The following AP3M2 variants were observed in gnomAD, a reference collection of about 807,000 sequenced individuals.
AP3M2 encodes adaptor related protein complex 3 subunit mu 2, also known as AP-3 complex subunit mu-2.
In AP3M2, 28 loss-of-function variants were observed where a neutral mutation model predicts 41.6. The ratio of observed to expected loss-of-function variants is 0.67; its 90% CI spans 0.50 to 0.92. AP3M2 has a LOEUF of 0.92. Among genes scored for constraint, AP3M2 ranks in the 40% least tolerant of loss-of-function variants. The probability of loss-of-function intolerance (pLI) is 0.00; values close to 1 mark genes in which losing one functional copy is unlikely to be tolerated. For synonymous variants in AP3M2, 193 were observed against 186.4 expected, an observed-to-expected ratio of 1.04 and a Z score of -0.29; for missense variants, 427 against 521.4, an observed-to-expected ratio of 0.82 and a Z score of 1.76.
chr8:42,162,438 TCTCAGAAA>T lies in AP3M2; in HGVS notation c.583+21_583+28del. On this transcript the variant is annotated intron_variant, in intron 4 of 8. Coordinates refer to ENST00000396926, the MANE Select transcript of AP3M2 (RefSeq NM_006803.4). The stretch of plus-strand genomic sequence containing the variant: ...AATCAGGTAGGTGCTTTTAATATGT[TCTCAGAAA>T]TATGAAAATAGAAAGGGACCTCTTT... 6.3e-7 allele frequency: 1 copy of T among 1,583,658 alleles called. No homozygotes were observed. The highest frequency in any genetic ancestry group is 8.6e-7 in the Non-Finnish European group (1 of 1,164,284).
chr8:42,167,620 A>C (rs1386509269), intron 7 of AP3M2, 46 bp from the exon 8 acceptor site: 2 of 1,588,666 alleles, frequency 1.3e-6, no homozygotes, highest in Non-Finnish European at 1.7e-6. Context: ...TTCTGCTGTA[A>C]CTATTTTTTG....
chr8:42,162,009 G>A (rs1804518206), intron 3 of AP3M2: 3 of 269,524 alleles, frequency 1.1e-5, no homozygotes, highest in Admixed American at 1.0e-4. Flanking sequence ...ACTAAGTTCA[G>A]GTTACTTTCA....
chr8:42,165,006 G>T (rs754872795), intron 4 of AP3M2, 65 bp from the exon 5 acceptor site: 81 of 1,419,230 alleles, frequency 5.7e-5, no homozygotes, highest in Admixed American at 7.6e-5. Context: ...GAGGAGATAA[G>T]TTTGTTGAGA....
intron 4 of AP3M2, among the ~76,000 whole-genome samples, chr8:42,164,092 A>C (rs908668930): frequency 6.6e-6 from 1 of 152,218 alleles, no homozygotes; most frequent in African/African-American, 2.4e-5. Flanking sequence ...GGCCCAAAAC[A>C]TAGATGTCCA....
chr8:42,163,700 G>A (rs2150959599), intron 4 of AP3M2, among the ~76,000 whole-genome samples: 1 of 152,318 alleles, frequency 6.6e-6, no homozygotes, highest in East Asian at 1.9e-4. Context: ...TTTAGTCTAA[G>A]GTAATAGAAG....
At position 42,154,851 on chromosome 8, in the gene AP3M2, A is replaced by C. The variant is rs749481712; in HGVS notation, c.164A>C (p.Tyr55Ser). 104 of 1,613,922 alleles carry C rather than the reference A, an allele frequency of 6.4e-5. 1 individual carries two copies. Among genetic ancestry groups the C allele is most frequent in the Non-Finnish European group, 8.2e-5 (97 of 1,180,014 alleles). The part of the protein sequence containing the change: ...VPPVIPTPHH[Y>S]LLSVYRHKIF... ...CCGGTTATCCCTACCCCTCACCACT[A>C]TCTCTTAAGTGTTTACCGCCACAAG... Residue 55 changes from tyrosine (Y) to serine (S), a missense_variant, in exon 2 of 9, where the codon TAT becomes TCT. Tyr to Ser is a moderately radical substitution (Grantham distance 144). Around this residue, in one of 3 missense-constraint regions of AP3M2, gnomAD observed 104 missense variants for 93.8 expected, o/e 1.11. Transcript: ENST00000396926.
intron 6 of AP3M2, chr8:42,166,854 G>A (rs2129643242): frequency 3.1e-6 from 1 of 317,720 alleles, no homozygotes; most frequent in South Asian, 3.7e-5. Flanking sequence ...CATGTTACAA[G>A]TTAAAAACAT....
rs898996736 is a variant in AP3M2 at position 42,169,426 on chromosome 8, TAGAA to T, written c.*369_*372del. ...AGACTTCTTTGTTGATTTTTTAAGA[TAGAA>T]AGATTAAAAAGAAAGAAAGATGGGA... On this transcript the variant is annotated 3_prime_UTR_variant, in exon 9 of 9. Transcript: ENST00000396926. 4.4e-5 allele frequency: 7 copies of T among 160,260 alleles called. No homozygotes were observed. The highest frequency in any genetic ancestry group is 9.6e-5 in the African/African-American group (4 of 41,774). 9.9% of individuals were successfully genotyped at this position (160,260 alleles called of 1,614,324 possible).
At position 42,166,440 on chromosome 8, in the gene AP3M2, A is replaced by T. The variant is rs561040664; in HGVS notation, c.804-724A>T. On this transcript the variant is annotated intron_variant, in intron 6 of 8. Transcript: ENST00000396926. ...TTCTCTGAATCCTTTTCTTCTGTCAAATCATGACAGCCTACCCTACCTTAT... is the reference window on the plus strand; with the variant it reads ...TTCTCTGAATCCTTTTCTTCTGTCATATCATGACAGCCTACCCTACCTTAT... 9.9e-5 allele frequency among the ~76,000 whole-genome samples: 15 copies of T among 152,186 alleles called. No homozygotes were observed. The South Asian group carries it at 2.9e-3, about 29-fold the overall frequency.
At chr8:42,155,777 A>G (rs11778382) in intron 2 of AP3M2, 29,357 of 254,326 alleles carry the variant, frequency 0.12, 2,146 homozygotes, top group South Asian at 0.18. Context: ...CTTCTGTGTC[A>G]TATGAGGTCT....
chr8:42,164,196 A>C (rs1042031338), intron 4 of AP3M2, among the ~76,000 whole-genome samples: 2 of 152,176 alleles, frequency 1.3e-5, no homozygotes, highest in African/African-American at 4.8e-5. Flanking sequence ...TGGGCGGGAG[A>C]AGTGGACGTT....
At chr8:42,155,677 G>A (rs1176755819) in intron 2 of AP3M2, 1 of 203,564 alleles carries the variant, frequency 4.9e-6, no homozygotes, top group Non-Finnish European at 1.0e-5. Flanking sequence ...GATTCACACA[G>A]AGGAACTTTC....
Position 42,165,104 on chromosome 8 carries a change from T to A in AP3M2, c.617T>A (p.Ile206Asn). Residue 206 changes from isoleucine (I) to asparagine (N), a missense_variant, in exon 5 of 9, where the codon ATT becomes AAT. Transcript: ENST00000396926. ...ATTACTGCTGAGATCCAGGGGGTGA[T>A]TGATGCCTGTGTCAAGCTGACTGGC... ...STITAEIQGVIDACVKLTGMP... is the reference protein window; with the variant it reads ...STITAEIQGVNDACVKLTGMP... The A allele has an allele frequency of 6.2e-7, 1 of 1,614,088 alleles. No homozygotes were observed. The highest frequency in any genetic ancestry group is 2.2e-5 in the East Asian group (1 of 44,882).
Position 42,168,949 on chromosome 8 carries a change from C to A in AP3M2, c.1157-12C>A. ...TACTCATGTCTATTTTCCCTCTCTC[C>A]CTCCTTTCTAGGACTCAAGGTGAAT... On this transcript the variant is annotated splice_polypyrimidine_tract_variant and intron_variant, in intron 8 of 8. Coordinates refer to ENST00000396926, the MANE Select transcript of AP3M2 (RefSeq NM_006803.4). 6.3e-7 allele frequency: 1 copy of A among 1,584,210 alleles called. No individual in the cohort carries two copies. Among genetic ancestry groups the A allele is most frequent in the Non-Finnish European group, 8.6e-7 (1 of 1,163,568 alleles).
Position 42,168,960 on chromosome 8 carries a change from G to A in AP3M2, c.1157-1G>A, listed in dbSNP as rs1269087915. On this transcript the variant is annotated splice_acceptor_variant, in intron 8 of 8. Transcript: ENST00000396926. LOFTEE classifies it high-confidence loss of function. ...ATTTTCCCTCTCTCCCTCCTTTCTA[G>A]GACTCAAGGTGAATCGTCTGGATAT... The A allele has an allele frequency of 6.3e-7, 1 of 1,595,832 alleles. No homozygotes were observed. Among genetic ancestry groups the A allele is most frequent in the South Asian group, 1.1e-5 (1 of 88,080 alleles).
chr8:42,167,059 A>T, intron 6 of AP3M2, 105 bp from the exon 7 acceptor site: 1 of 916,822 alleles, frequency 1.1e-6, no homozygotes, highest in Non-Finnish European at 1.7e-6. Flanking sequence ...GGACATAGTT[A>T]AGGGAGAAGA....
chr8:42,163,842 A>T (rs934253400), intron 4 of AP3M2, among the ~76,000 whole-genome samples: 1 of 152,156 alleles, frequency 6.6e-6, no homozygotes, highest in Non-Finnish European at 1.5e-5. Context: ...TGAGCTGTAC[A>T]CTTTAAGATT....
chr8:42,165,453 C>T lies in AP3M2; in HGVS notation c.696C>T (p.Ser232=), dbSNP rs1485447784. 6.2e-7 allele frequency: 1 copy of T among 1,614,218 alleles called. No homozygotes were observed. Among genetic ancestry groups the T allele is most frequent in the Admixed American group, 1.7e-5 (1 of 60,020 alleles). ...FMNPRLLDDV[S]FHPCVRFKRW... ...ACCCTAGGTTGTTGGATGATGTCAG[C>T]TTCCATCCTTGTGTTCGTTTCAAAC... The change falls in exon 6 of 9, where the codon AGC becomes AGT. Residue 232 remains serine, a synonymous_variant. Transcript: ENST00000396926.
intron 4 of AP3M2, 101 bp downstream of exon 4, chr8:42,162,519 A>G: frequency 7.2e-7 from 1 of 1,390,882 alleles, no homozygotes; most frequent in East Asian, 2.4e-5. Context: ...AAGGTCATCC[A>G]CTTCAATTTA....
Sources: allele counts gnomAD v4.1 joint callset (sites outside exome capture counted in the v4.1 genomes callset), GRCh38; gene constraint gnomAD v4.1.1; regional missense constraint gnomAD v4.1.1; transcripts MANE v1.5; gene names NCBI Gene and HGNC (gene_info 2026-07-23, HGNC 2026-07-21).